PLAC1: variants seen among roughly 807,000 people sequenced by gnomAD.
PLAC1 encodes the protein placenta associated 1, also known as placenta-specific protein 1.
For missense variants in PLAC1, 136 were observed against 163.2 expected (o/e 0.83, Z 0.91); for synonymous variants, 68 against 62.1 (o/e 1.09, Z -0.44).
chrX:134,645,474 C>T (rs1245697614), intron 1 of PLAC1, among the ~76,000 whole-genome samples: 1 of 111,914 alleles, frequency 8.9e-6, no homozygotes, highest in African/African-American at 3.3e-5. Context: ...CCCCTCTGTT[C>T]TGACTTTCTG....
chrX:134,639,526 T>G (rs1322184940), intron 1 of PLAC1, among the ~76,000 whole-genome samples: 1 of 112,016 alleles, frequency 8.9e-6, no homozygotes, highest in Non-Finnish European at 1.9e-5. Flanking sequence ...CTACCCAGTT[T>G]GTCCACAGAA....
chrX:134,716,227 T>G (rs2078642967), intron 2 of PLAC1, among the ~76,000 whole-genome samples: 1 of 111,763 alleles, frequency 8.9e-6, no homozygotes, highest in South Asian at 3.7e-4. Context: ...ATAGGAAGAG[T>G]GAGCTCAGCC....
At chrX:134,671,530 A>C (rs1433928872) in intron 2 of PLAC1, among the ~76,000 whole-genome samples, 1 of 110,808 alleles carries the variant, frequency 9.0e-6, no homozygotes, top group Non-Finnish European at 1.9e-5. Context: ...AGGCCTCAGG[A>C]AACGTACAGT....
chrX:134,567,577 G>T (rs2077883153), intron 2 of PLAC1, among the ~76,000 whole-genome samples: 1 of 110,274 alleles, frequency 9.1e-6, no homozygotes, highest in African/African-American at 3.3e-5. Flanking sequence ...GCAATATAGT[G>T]AGAGCCTGTC....
At chrX:134,606,162 A>G (rs1396835666) in intron 1 of PLAC1, 2 of 109,205 alleles carry the variant, frequency 1.8e-5, no homozygotes, top group Non-Finnish European at 3.8e-5. Context: ...GAATCGCTTG[A>G]TCCTGGGAGG....
chrX:134,725,496 T>C (rs2078671277), intron 2 of PLAC1, among the ~76,000 whole-genome samples: 1 of 111,995 alleles, frequency 8.9e-6, no homozygotes, highest in Non-Finnish European at 1.9e-5. Flanking sequence ...TCAGTAGGTC[T>C]AGAATGGGGC....
At chrX:134,680,535 A>G (rs75522383) in intron 2 of PLAC1, among the ~76,000 whole-genome samples, 2 of 98,738 alleles carry the variant, frequency 2.0e-5, no homozygotes, top group Non-Finnish European at 4.0e-5. Context: ...AAACTGAACT[A>G]AACTAAACTG....
chrX:134,681,127 T>C (rs988439450), intron 2 of PLAC1, among the ~76,000 whole-genome samples: 1 of 111,596 alleles, frequency 9.0e-6, no homozygotes, highest in African/African-American at 3.3e-5. Flanking sequence ...GCTGCTCTTT[T>C]GTTAGGGCAT....
chrX:134,591,567 G>T (rs7887995), intron 2 of PLAC1, among the ~76,000 whole-genome samples: 11,202 of 112,217 alleles, frequency 0.1, 1,392 homozygotes, highest in African/African-American at 0.34. Flanking sequence ...TTTGGTTGTT[G>T]CTAGTTTTTT....
At chrX:134,647,263 C>T (rs992636519) in intron 1 of PLAC1, among the ~76,000 whole-genome samples, 1 of 111,885 alleles carries the variant, frequency 8.9e-6, no homozygotes, top group Admixed American at 9.4e-5. Context: ...TTATTGTGCC[C>T]CATCCCGTGG....
At chrX:134,688,593 G>C (rs1028236783) in intron 2 of PLAC1, among the ~76,000 whole-genome samples, 2 of 112,162 alleles carry the variant, frequency 1.8e-5, no homozygotes, top group Non-Finnish European at 3.8e-5. Context: ...TTCCAGAAGA[G>C]AAAATTTATA....
At chrX:134,752,376 G>C (rs1245469115) in intron 1 of PLAC1, among the ~76,000 whole-genome samples, 2 of 111,659 alleles carry the variant, frequency 1.8e-5, no homozygotes, top group African/African-American at 6.5e-5. Flanking sequence ...CAATAAGCCT[G>C]CAGCAAATTA....
intron 1 of PLAC1, chrX:134,607,506 C>A: frequency 6.1e-6 from 1 of 164,033 alleles, no homozygotes. Context: ...AAAAGGAAGC[C>A]AAAGAGAAAG....
chrX:134,681,914 CT>C (rs1291733671), intron 2 of PLAC1, among the ~76,000 whole-genome samples: 10 of 111,946 alleles, frequency 8.9e-5, no homozygotes, highest in Non-Finnish European at 1.7e-4. Flanking sequence ...TGACAAGATG[CT>C]TTTTCTCCAG....
rs1390365324 is a variant in PLAC1, at chrX:134,602,026, GACACTGAACAC to G, written c.-59+14_-59+24del. 1 of 112,517 alleles carries G rather than the reference GACACTGAACAC, an allele frequency of 8.9e-6. No homozygotes were observed. The highest frequency in any genetic ancestry group is 1.9e-5 in the Non-Finnish European group (1 of 53,294). 9.3% of individuals were successfully genotyped at this position (112,517 alleles called of 1,213,427 possible). A position where few individuals can be genotyped will look rare whatever the true frequency, so the allele number is the denominator to read the frequency against. On this transcript the variant is annotated intron_variant, in intron 2 of 2. Transcript: ENST00000359237. Reference sequence around the variant, plus strand: ...AACCTGTTGGTTATCAGAGAAGGGGGACACTGAACACACAGAAAACTAACCTTCTTCTGGCA... The same window carrying G: ...AACCTGTTGGTTATCAGAGAAGGGGGACAGAAAACTAACCTTCTTCTGGCA...
intron 1 of PLAC1, among the ~76,000 whole-genome samples, chrX:134,747,004 C>T (rs2078730587): frequency 8.9e-6 from 1 of 112,067 alleles, no homozygotes; most frequent in African/African-American, 3.2e-5. Context: ...AAAATAAAAA[C>T]AGCCCAAGGC....
At chrX:134,711,617 A>ACTAT (rs2078628334) in intron 2 of PLAC1, among the ~76,000 whole-genome samples, 1 of 112,070 alleles carries the variant, frequency 8.9e-6, no homozygotes, top group Non-Finnish European at 1.9e-5. Flanking sequence ...CAGAATTTTA[A>ACTAT]CTATCTAACT....
intron 1 of PLAC1, among the ~76,000 whole-genome samples, chrX:134,645,359 G>A (rs950870272): frequency 1.8e-5 from 2 of 111,828 alleles, no homozygotes; most frequent in Non-Finnish European, 3.8e-5. Context: ...CCCATTTTAT[G>A]GATCACGTAT....
At chrX:134,707,953 C>T (rs1463581951) in intron 2 of PLAC1, among the ~76,000 whole-genome samples, 2 of 111,064 alleles carry the variant, frequency 1.8e-5, no homozygotes, top group South Asian at 7.5e-4. Flanking sequence ...CCTAGAGCAA[C>T]CACAAAAAAA....
Sources: gnomAD v4.1 joint callset for allele counts (sites outside exome capture counted in the v4.1 genomes callset) on GRCh38, gnomAD v4.1.1 for gene constraint, MANE v1.5 for transcripts, NCBI Gene and HGNC (gene_info 2026-07-23, HGNC 2026-07-21) for gene names.